Variants in AKAP7 observed in about 807,000 individuals in gnomAD.
AKAP7 encodes the protein A kinase (PRKA) anchor protein 7.
In AKAP7, 39 loss-of-function variants were observed where a neutral mutation model predicts 39.5. The observed-to-expected ratio is 0.99, with a 90% CI of 0.76 to 1.29. The LOEUF (loss-of-function observed/expected upper bound fraction) is 1.29, where lower values mean the gene tolerates loss of function less well. Ranked by LOEUF, AKAP7 falls within the 50% of genes most tolerant of loss-of-function variation. The pLI is 0.00. For missense variants in AKAP7, 414 were observed against 407.7 expected (o/e 1.02, Z -0.13); for synonymous variants, 140 against 139.1 (o/e 1.01, Z -0.05).
chr6:131,146,627 T>C (rs985956511), intron 2 of AKAP7, among the ~76,000 whole-genome samples: 1 of 152,224 alleles, frequency 6.6e-6, no homozygotes, highest in Non-Finnish European at 1.5e-5. Context: ...GACTACATAC[T>C]CTGCGCCATT....
intron 7 of AKAP7, among the ~76,000 whole-genome samples, chr6:131,269,514 T>C (rs931185570): frequency 6.6e-6 from 1 of 152,146 alleles, no homozygotes; most frequent in Non-Finnish European, 1.5e-5. Flanking sequence ...ACCACCGTGG[T>C]TACCATATAG....
intron 3 of AKAP7, among the ~76,000 whole-genome samples, chr6:131,163,369 AT>A (rs1325628800): frequency 6.6e-6 from 1 of 152,174 alleles, no homozygotes; most frequent in African/African-American, 2.4e-5. Context: ...TCTAATGTTA[AT>A]TTTCTTTTTA....
At chr6:131,266,901 A>G (rs1813846506) in intron 7 of AKAP7, among the ~76,000 whole-genome samples, 1 of 152,148 alleles carries the variant, frequency 6.6e-6, no homozygotes, top group African/African-American at 2.4e-5. Flanking sequence ...TGACAGATTG[A>G]TTAGTATTCA....
intron 1 of AKAP7, among the ~76,000 whole-genome samples, chr6:131,144,581 A>G (rs927077492): frequency 6.6e-6 from 1 of 152,214 alleles, no homozygotes. Flanking sequence ...AAATTTAGCA[A>G]TTAACTTTAT....
chr6:131,172,529 T>A (rs975761410), intron 5 of AKAP7, among the ~76,000 whole-genome samples: 2 of 152,114 alleles, frequency 1.3e-5, no homozygotes, highest in African/African-American at 4.8e-5. Flanking sequence ...AGTCTCACTA[T>A]GTTGCCCAGA....
At chr6:131,229,115 T>A (rs1167111671) in intron 7 of AKAP7, among the ~76,000 whole-genome samples, 3 of 152,206 alleles carry the variant, frequency 2.0e-5, no homozygotes, top group African/African-American at 7.2e-5. Flanking sequence ...CACCATTTTT[T>A]CTTGAAGAAT....
At chr6:131,233,271 G>C (rs995855954) in intron 7 of AKAP7, among the ~76,000 whole-genome samples, 2 of 152,130 alleles carry the variant, frequency 1.3e-5, no homozygotes, top group African/African-American at 4.8e-5. Flanking sequence ...CGGAGAAAGA[G>C]CTCAAACTAC....
intron 1 of AKAP7, 125 bp from the exon 2 acceptor site, chr6:131,145,157 AAGT>A: frequency 1.8e-6 from 1 of 557,394 alleles, no homozygotes. Flanking sequence ...ATTTGAACAC[AAGT>A]AGTACATTTC....
rs757493816 is a variant in AKAP7 at position 131,199,572 on chromosome 6, A to C, written c.701A>C (p.Asn234Thr). 1 of 1,583,434 alleles carries C rather than the reference A, an allele frequency of 6.3e-7. No individual in the cohort carries two copies. Among genetic ancestry groups the C allele is most frequent in the African/African-American group, 1.3e-5 (1 of 74,262 alleles). ...TCAAAATCACCGTGGCTCCGTAAGA[A>C]TGTGAGTGCATGTTCTTATTGCAAG... ...KLSKSPWLRKNGVKKIDPDLY... is the reference protein window; with the variant it reads ...KLSKSPWLRKTGVKKIDPDLY... The change falls in exon 6 of 8, where the codon AAT becomes ACT. Residue 234 changes from asparagine (N) to threonine (T), a missense_variant and splice_region_variant. Transcript: ENST00000431975.
intron 7 of AKAP7, among the ~76,000 whole-genome samples, chr6:131,229,152 C>T (rs1346055516): frequency 1.3e-5 from 2 of 152,164 alleles, no homozygotes; most frequent in Admixed American, 6.5e-5. Flanking sequence ...TGTTTTCATA[C>T]TTGGGTGTTG....
rs1801608118 is a variant in AKAP7, at chr6:131,147,944, A to G, written c.151+2528A>G. On this transcript the variant is annotated intron_variant, in intron 2 of 7. Coordinates refer to ENST00000431975, the MANE Select transcript of AKAP7 (RefSeq NM_016377.4). ...GCAAGATACTGCCAGAATCCCAGAG[A>G]GCAAATAGTGTTTCTGTAGTCACCA... 2.0e-5 allele frequency among the ~76,000 whole-genome samples: 3 copies of G among 152,212 alleles called. No homozygotes were observed. The South Asian group carries it at 6.2e-4, about 32-fold the overall frequency.
upstream of AKAP7, among the ~76,000 whole-genome samples, chr6:131,130,497 T>C (rs1363293028): frequency 1.3e-5 from 2 of 152,196 alleles, no homozygotes; most frequent in Admixed American, 6.5e-5. Context: ...GGTTTTGCCA[T>C]GTTGGTCAGG....
intron 7 of AKAP7, among the ~76,000 whole-genome samples, chr6:131,231,750 T>C (rs915606524): frequency 6.6e-6 from 1 of 152,194 alleles, no homozygotes; most frequent in Non-Finnish European, 1.5e-5. Flanking sequence ...TAGGTCACCC[T>C]ACCTAAGAAA....
intron 7 of AKAP7, among the ~76,000 whole-genome samples, chr6:131,241,623 G>GTATATACGTATATA (rs1228757342): frequency 1.9e-4 from 13 of 68,522 alleles, no homozygotes; most frequent in African/African-American, 7.7e-4. Context: ...GTGTGTGTGT[G>GTATATACGTATATA]TGTGTATATA....
In AKAP7 at chr6:131,209,150, A is replaced by G. The variant is rs34795262; in HGVS notation, c.702+9577A>G. Reference sequence around the variant, plus strand: ...GTAGAACATGGCTTAGGAAATGCTGATTTGATAATTCCAGCTTAAGTGATT... The same window carrying G: ...GTAGAACATGGCTTAGGAAATGCTGGTTTGATAATTCCAGCTTAAGTGATT... On this transcript the variant is annotated intron_variant, in intron 6 of 7. Coordinates refer to ENST00000431975, the MANE Select transcript of AKAP7 (RefSeq NM_016377.4). Among the ~76,000 whole-genome samples, 1,069 of 151,972 alleles carry G rather than the reference A, an allele frequency of 7.0e-3. 10 individuals carry two copies. The highest frequency in any genetic ancestry group is 8.7e-3 in the Non-Finnish European group (591 of 67,930).
chr6:131,194,379 C>T (rs954808732), intron 5 of AKAP7, among the ~76,000 whole-genome samples: 2 of 152,020 alleles, frequency 1.3e-5, no homozygotes, highest in Non-Finnish European at 2.9e-5. Context: ...TTTTCTTCCA[C>T]TGTGGGCAGA....
chr6:131,229,037 G>C (rs904519687), intron 7 of AKAP7, among the ~76,000 whole-genome samples: 2 of 152,076 alleles, frequency 1.3e-5, no homozygotes, highest in African/African-American at 4.8e-5. Flanking sequence ...GAAGTAGGTC[G>C]ACCCAAAGAA....
At chr6:131,158,804 G>C (rs141598008) in intron 2 of AKAP7, among the ~76,000 whole-genome samples, 2 of 152,118 alleles carry the variant, frequency 1.3e-5, no homozygotes, top group Non-Finnish European at 2.9e-5. Context: ...ACCATGCCCT[G>C]CAGGGGAACT....
chr6:131,219,559 C>G, intron 6 of AKAP7, 102 bp from the exon 7 acceptor site: 1 of 1,062,978 alleles, frequency 9.4e-7, no homozygotes, highest in Non-Finnish European at 1.3e-6. Context: ...AGTGGTGTAA[C>G]AATGTAGTAA....
Sources: gnomAD v4.1 joint callset for allele counts (sites outside exome capture counted in the v4.1 genomes callset) on GRCh38, gnomAD v4.1.1 for gene constraint, MANE v1.5 for transcripts, NCBI Gene and HGNC (gene_info 2026-07-23, HGNC 2026-07-21) for gene names.